Variants in OSBPL10 observed in about 807,000 individuals in gnomAD.
OSBPL10 encodes oxysterol-binding protein-related protein 10.
A neutral mutation model predicts 81.7 loss-of-function variants in OSBPL10; 49 were observed. That is an observed-to-expected ratio of 0.60 (90% CI 0.48 to 0.76). The LOEUF (loss-of-function observed/expected upper bound fraction) is 0.76, where lower values mean the gene tolerates loss of function less well. OSBPL10 is among the 30% of genes least tolerant of loss of function. The pLI, the probability that OSBPL10 is intolerant of heterozygous loss-of-function variation, is 0.00. For missense variants in OSBPL10, 923 were observed against 987.8 expected (o/e 0.93, Z 0.88); for synonymous variants, 419 against 383.6 (o/e 1.09, Z -1.08).
rs771649620 is a variant in OSBPL10 at position 31,668,677 on chromosome 3, G to A, written c.2061C>T (p.Ile687=). ...TGGGTCCCTGCTTCTCAAGAGGTCT[G>A]ATCTTCTTGGGATACACTGGCAGTG... is the stretch of plus-strand genomic sequence containing the variant. ...TTTLPVYPKK[I]RPLEKQGPME... The change falls in exon 10 of 12, where the codon ATC becomes ATT. Residue 687 remains isoleucine, a synonymous_variant. Transcript: ENST00000396556. 1.2e-5 allele frequency: 20 copies of A among 1,613,926 alleles called. No individual in the cohort carries two copies. The highest frequency in any genetic ancestry group is 1.5e-5 in the Non-Finnish European group (18 of 1,179,890).
At chr3:32,075,018 A>T (rs776089540) in intron 1 of OSBPL10, among the ~76,000 whole-genome samples, 3 of 152,238 alleles carry the variant, frequency 2.0e-5, no homozygotes, top group Non-Finnish European at 4.4e-5. Flanking sequence ...ACGACCAAAA[A>T]GAGTCATCCG....
intron 4 of OSBPL10, among the ~76,000 whole-genome samples, chr3:31,820,557 T>C (rs1699957842): frequency 6.6e-6 from 1 of 151,258 alleles, no homozygotes; most frequent in Admixed American, 6.6e-5. Context: ...ATCACGCCAC[T>C]GCACTCCAGC....
At chr3:31,711,010 GT>G (rs1324624934) in intron 6 of OSBPL10, 2 of 152,202 alleles carry the variant, frequency 1.3e-5, no homozygotes, top group Non-Finnish European at 2.9e-5. Context: ...CAACAGGCTG[GT>G]GTTCTGGTTG....
At chr3:31,807,352 G>A (rs1021786803) in intron 4 of OSBPL10, among the ~76,000 whole-genome samples, 15 of 150,160 alleles carry the variant, frequency 1.0e-4, no homozygotes, top group South Asian at 4.2e-4. Context: ...CAGCCTGGGC[G>A]ACAGAGCAAG....
At chr3:31,951,426 G>A (rs1198359050) in intron 1 of OSBPL10, among the ~76,000 whole-genome samples, 1 of 151,966 alleles carries the variant, frequency 6.6e-6, no homozygotes, top group Non-Finnish European at 1.5e-5. Flanking sequence ...AAGGAATGAT[G>A]AACTTGAAAC....
At chr3:31,845,998 A>T (rs1700619905) in intron 3 of OSBPL10, among the ~76,000 whole-genome samples, 1 of 152,198 alleles carries the variant, frequency 6.6e-6, no homozygotes, top group Non-Finnish European at 1.5e-5. Context: ...ACAAAATTTT[A>T]AAATAGCTAT....
intron 6 of OSBPL10, among the ~76,000 whole-genome samples, chr3:31,708,361 C>G (rs1305829808): frequency 6.6e-6 from 1 of 152,190 alleles, no homozygotes; most frequent in African/African-American, 2.4e-5. Flanking sequence ...ACCAAATTAT[C>G]ACAATCATTA....
At chr3:31,858,312 T>C (rs906863875) in intron 3 of OSBPL10, among the ~76,000 whole-genome samples, 1 of 152,162 alleles carries the variant, frequency 6.6e-6, no homozygotes, top group Non-Finnish European at 1.5e-5. Context: ...CCTATGTTTT[T>C]TAACCTTTTC....
intron 2 of OSBPL10, among the ~76,000 whole-genome samples, chr3:32,010,748 C>G (rs80219100): frequency 1.3e-5 from 2 of 152,334 alleles, no homozygotes; most frequent in African/African-American, 4.8e-5. Context: ...CACCCTAATA[C>G]TGCGATTTTC....
chr3:31,740,242 C>T (rs1253225940), intron 5 of OSBPL10, among the ~76,000 whole-genome samples: 11 of 152,052 alleles, frequency 7.2e-5, no homozygotes, highest in Admixed American at 6.6e-4. Context: ...ATGGGTTTCA[C>T]CATATTGGCC....
chr3:31,915,492 C>T (rs1186971874), intron 1 of OSBPL10, among the ~76,000 whole-genome samples: 1 of 152,102 alleles, frequency 6.6e-6, no homozygotes, highest in Admixed American at 6.5e-5. Flanking sequence ...TTATCCCAAG[C>T]GAATTAATGC....
At chr3:32,067,628 A>G (rs1168754193) in intron 1 of OSBPL10, among the ~76,000 whole-genome samples, 1 of 152,122 alleles carries the variant, frequency 6.6e-6, no homozygotes, top group Non-Finnish European at 1.5e-5. Context: ...CTAACTGATC[A>G]ATGTACTTTG....
At chr3:31,683,591 G>A (rs111671527) in intron 8 of OSBPL10, 43 bp downstream of exon 8, 57 of 1,579,830 alleles carry the variant, frequency 3.6e-5, no homozygotes, top group African/African-American at 2.3e-4. Context: ...GTATAGAAAC[G>A]TCACTGTGTA....
chr3:31,897,506 TAAAG>T (rs1696090437), intron 1 of OSBPL10, among the ~76,000 whole-genome samples: 1 of 152,050 alleles, frequency 6.6e-6, no homozygotes, highest in Non-Finnish European at 1.5e-5. Context: ...TCACCACAAT[TAAAG>T]AAAGATACGA....
chr3:31,863,985 G>A (rs1031601984), intron 3 of OSBPL10, among the ~76,000 whole-genome samples: 1 of 152,156 alleles, frequency 6.6e-6, no homozygotes, highest in Non-Finnish European at 1.5e-5. Flanking sequence ...AAGCAGCGTT[G>A]ATATTTGCTG....
chr3:31,678,781 A>AGT (rs1559411581), intron 8 of OSBPL10, among the ~76,000 whole-genome samples: 146 of 99,258 alleles, frequency 1.5e-3, no homozygotes, highest in African/African-American at 6.0e-3. Flanking sequence ...ACAGATTCAA[A>AGT]CTGTGTGTGT....
At chr3:31,956,438 G>T (rs1352939357) in intron 1 of OSBPL10, among the ~76,000 whole-genome samples, 2 of 152,226 alleles carry the variant, frequency 1.3e-5, no homozygotes, top group Non-Finnish European at 2.9e-5. Context: ...TGGCCTTTTG[G>T]CCGGGCATGG....
intron 4 of OSBPL10, among the ~76,000 whole-genome samples, chr3:31,764,083 A>G (rs2125729108): frequency 6.6e-6 from 1 of 152,364 alleles, no homozygotes; most frequent in East Asian, 1.9e-4. Context: ...TATAATACAC[A>G]GTGCTTTGCA....
chr3:31,868,499 CTG>C lies in OSBPL10; in HGVS notation c.537+7932_537+7933del, dbSNP rs547736787. On this transcript the variant is annotated intron_variant, in intron 3 of 11. Coordinates refer to ENST00000396556, the MANE Select transcript of OSBPL10 (RefSeq NM_017784.5). ...TTGAGGAAGTGATAAGCATCACTGT[CTG>C]TCACACATTTATCCTTTAGGGATGA... 2.0e-3 allele frequency among the ~76,000 whole-genome samples: 304 copies of C among 152,238 alleles called. 2 individuals are homozygous for C. The highest frequency in any genetic ancestry group is 0.014 in the Middle Eastern group (4 of 294).
Sources: allele counts gnomAD v4.1 joint callset (sites outside exome capture counted in the v4.1 genomes callset), GRCh38; gene constraint gnomAD v4.1.1; transcripts MANE v1.5; gene names NCBI Gene and HGNC (gene_info 2026-07-23, HGNC 2026-07-21).